The following SGSM1 variants were observed in gnomAD, a reference collection of about 807,000 sequenced individuals.
SGSM1 encodes small G protein signaling modulator 1, also known as RUN and TBC1 domain containing 2.
In SGSM1, 73 loss-of-function variants were observed where a neutral mutation model predicts 133.8. The ratio of observed to expected loss-of-function variants is 0.55; its 90% confidence interval spans 0.45 to 0.66. The LOEUF (loss-of-function observed/expected upper bound fraction) is 0.66, where lower values mean the gene tolerates loss of function less well. Among genes scored for constraint, SGSM1 ranks in the 30% least tolerant of loss-of-function variants. The pLI is 0.00. For synonymous variants in SGSM1, 563 were observed against 573.0 expected, an observed-to-expected ratio of 0.98 and a Z score of 0.25; for missense variants, 1,213 against 1,448.1, an observed-to-expected ratio of 0.84 and a Z score of 2.64.
Position 24,898,574 on chromosome 22 carries a change from C to T in SGSM1, c.2610+15C>T. ...TCACCTACTCTGTAAGTCACCAGGACCCTCCGTTCCATTTCCTTCTTTCCA... is the reference window on the plus strand; with the variant it reads ...TCACCTACTCTGTAAGTCACCAGGATCCTCCGTTCCATTTCCTTCTTTCCA... On this transcript the variant is annotated intron_variant, in intron 19 of 24. Coordinates refer to ENST00000400358, the MANE Select transcript of SGSM1 (RefSeq NM_001098497.3). 1 of 1,569,366 alleles carries T rather than the reference C, an allele frequency of 6.4e-7. No individual in the cohort carries two copies. The highest frequency in any genetic ancestry group is 8.6e-7 in the Non-Finnish European group (1 of 1,156,472).
At chr22:24,851,449 G>GGGAGAGA (rs1555925285) in intron 5 of SGSM1, among the ~76,000 whole-genome samples, 113 of 112,862 alleles carry the variant, frequency 1.0e-3, no homozygotes, top group Non-Finnish European at 1.4e-3. Flanking sequence ...GGGGGTGGGG[G>GGGAGAGA]GAGAGAGAGA....
At chr22:24,834,712 C>A (rs1601904046) in intron 2 of SGSM1, among the ~76,000 whole-genome samples, 1 of 152,012 alleles carries the variant, frequency 6.6e-6, no homozygotes, top group East Asian at 1.9e-4. Flanking sequence ...GCCATCTTCT[C>A]CCTGATCTTC....
chr22:24,816,475 G>A (rs556541204), intron 2 of SGSM1, among the ~76,000 whole-genome samples: 2 of 135,572 alleles, frequency 1.5e-5, no homozygotes, highest in African/African-American at 5.2e-5. Context: ...GAGTGCAGTG[G>A]CACGATCTCA....
intron 14 of SGSM1, among the ~76,000 whole-genome samples, chr22:24,882,984 G>A (rs1314516374): frequency 6.6e-6 from 1 of 150,740 alleles, no homozygotes; most frequent in Non-Finnish European, 1.5e-5. Context: ...TGCAAGCTCC[G>A]CCTCCTGGGT....
chr22:24,921,600 C>G (rs961245792), intron 24 of SGSM1, among the ~76,000 whole-genome samples: 5 of 152,124 alleles, frequency 3.3e-5, no homozygotes, highest in Non-Finnish European at 4.4e-5. Flanking sequence ...TAACAGCACC[C>G]CAGGCCAAAA....
At chr22:24,877,865 C>A (rs976824670) in intron 13 of SGSM1, among the ~76,000 whole-genome samples, 3 of 121,172 alleles carry the variant, frequency 2.5e-5, no homozygotes, top group African/African-American at 9.5e-5. Context: ...GGCTGGAGTG[C>A]AATGGCATGA....
At chr22:24,835,406 C>A (rs1929368430) in intron 2 of SGSM1, among the ~76,000 whole-genome samples, 1 of 152,118 alleles carries the variant, frequency 6.6e-6, no homozygotes, top group South Asian at 2.1e-4. Flanking sequence ...TAGAGCACCA[C>A]CAGATGGCAG....
chr22:24,886,697 A>G lies in SGSM1; in HGVS notation c.1739A>G (p.Gln580Arg). The change falls in exon 16 of 25, where the codon CAG becomes CGG. Residue 580 changes from glutamine (Q) to arginine (R), a missense_variant. Transcript: ENST00000400358. ...TGGCCCTTCCTCCTGGGCCACTACC[A>G]GTTCGGGATGACGGAAACAGAAAGG... ...AVWPFLLGHY[Q>R]FGMTETERKE... 6.3e-7 allele frequency: 1 copy of G among 1,580,996 alleles called. No individual in the cohort carries two copies. Among genetic ancestry groups the G allele is most frequent in the African/African-American group, 1.3e-5 (1 of 74,318 alleles).
chr22:24,824,886 T>C (rs1221535635), intron 2 of SGSM1, among the ~76,000 whole-genome samples: 1 of 152,210 alleles, frequency 6.6e-6, no homozygotes, highest in Non-Finnish European at 1.5e-5. Flanking sequence ...TGTTTATATC[T>C]TTCCATCTCC....
intron 14 of SGSM1, among the ~76,000 whole-genome samples, chr22:24,880,664 C>T (rs527725565): frequency 6.6e-6 from 1 of 152,296 alleles, no homozygotes; most frequent in South Asian, 2.1e-4. Flanking sequence ...GTGCCTAATG[C>T]AGGACCTGGC....
intron 22 of SGSM1, among the ~76,000 whole-genome samples, chr22:24,915,302 C>A (rs531150952): frequency 2.6e-5 from 4 of 152,360 alleles, no homozygotes; most frequent in Admixed American, 1.3e-4. Flanking sequence ...CTGCTGCATG[C>A]ACGCAACAAC....
Position 24,847,787 on chromosome 22 carries a change from T to C in SGSM1, c.293T>C (p.Ile98Thr). The C allele has an allele frequency of 6.2e-7, 1 of 1,613,728 alleles. No individual in the cohort carries two copies. Among genetic ancestry groups the C allele is most frequent in the Non-Finnish European group, 8.5e-7 (1 of 1,179,812 alleles). ...SRKVQDLEQL[I>T]ESARNQIQGL... ...AAGGTGCAAGACCTGGAGCAGCTGA[T>C]CGAGAGCGCGTGAGTGCAAAGCATG... is the stretch of plus-strand genomic sequence containing the variant. Residue 98 changes from isoleucine to threonine, a missense_variant, in exon 4 of 25, where the codon ATC becomes ACC. Physicochemically the swap from Ile to Thr is moderately conservative, Grantham distance 89. Transcript: ENST00000400358.
intron 9 of SGSM1, among the ~76,000 whole-genome samples, chr22:24,860,110 T>TC (rs1931042065): frequency 6.6e-6 from 1 of 152,174 alleles, no homozygotes; most frequent in African/African-American, 2.4e-5. Flanking sequence ...GGGAGACATC[T>TC]TTATAGAGAT....
chr22:24,882,958 C>T (rs926673687), intron 14 of SGSM1, among the ~76,000 whole-genome samples: 2 of 150,820 alleles, frequency 1.3e-5, no homozygotes, highest in Non-Finnish European at 2.9e-5. Context: ...AGTGCAGTGG[C>T]GCGATCTCAG....
At chr22:24,896,587 G>A (rs556351788) in intron 18 of SGSM1, among the ~76,000 whole-genome samples, 7 of 151,272 alleles carry the variant, frequency 4.6e-5, no homozygotes, top group East Asian at 3.9e-4. Flanking sequence ...CAACCACCTG[G>A]GTGTAAAAGT....
intron 24 of SGSM1, among the ~76,000 whole-genome samples, chr22:24,923,457 A>AT (rs944790058): frequency 1.3e-5 from 2 of 151,746 alleles, no homozygotes; most frequent in African/African-American, 4.8e-5. Flanking sequence ...TGATAAAATT[A>AT]TTTTTTTCTT....
chr22:24,885,571 T>C (rs903568445), intron 15 of SGSM1, among the ~76,000 whole-genome samples: 2 of 151,966 alleles, frequency 1.3e-5, no homozygotes, highest in Non-Finnish European at 2.9e-5. Context: ...CCCAAGTAGT[T>C]GGGCACCACT....
chr22:24,811,207 C>T (rs1601879734), intron 2 of SGSM1, among the ~76,000 whole-genome samples: 1 of 152,082 alleles, frequency 6.6e-6, no homozygotes, highest in East Asian at 1.9e-4. Context: ...CTGCAATACA[C>T]AAGACACCCC....
intron 2 of SGSM1, among the ~76,000 whole-genome samples, chr22:24,812,984 A>G (rs1927838232): frequency 6.6e-6 from 1 of 152,220 alleles, no homozygotes; most frequent in Admixed American, 6.5e-5. Context: ...AAAGGTAACA[A>G]GAGCTCCAAG....
Sources: allele counts gnomAD v4.1 joint callset (sites outside exome capture counted in the v4.1 genomes callset), GRCh38; gene constraint gnomAD v4.1.1; transcripts MANE v1.5; gene names NCBI Gene and HGNC (gene_info 2026-07-23, HGNC 2026-07-21).